CSMD1: variants seen among roughly 807,000 people sequenced by gnomAD.
CSMD1 encodes the protein CUB and sushi domain-containing protein 1.
CSMD1 carries 213 observed loss-of-function variants against 417.5 expected under a neutral mutation model. The observed-to-expected ratio is 0.51, with a 90% CI of 0.46 to 0.57. The LOEUF (loss-of-function observed/expected upper bound fraction) is 0.57, where lower values mean the gene tolerates loss of function less well. Ranked by LOEUF, CSMD1 falls within the 20% of genes least tolerant of loss-of-function variation. CSMD1 has a pLI of 0.00. For missense variants in CSMD1, 6,923 were observed against 4,529.7 expected, an observed-to-expected ratio of 1.53 and a Z score of -15.17; for synonymous variants, 2,862 against 1,736.8, an observed-to-expected ratio of 1.65 and a Z score of -16.11.
chr8:2,969,509 T>A (rs1199863310), intron 57 of CSMD1, among the ~76,000 whole-genome samples: 1 of 152,162 alleles, frequency 6.6e-6, no homozygotes. Context: ...TTTAAAAAGA[T>A]TTTTCGTTTA....
At chr8:4,028,151 T>G (rs574120410) in intron 4 of CSMD1, among the ~76,000 whole-genome samples, 1 of 152,220 alleles carries the variant, frequency 6.6e-6, no homozygotes, top group Non-Finnish European at 1.5e-5. Context: ...AATGAGCATT[T>G]TAGAAAAAAT....
rs568825733 is a variant in CSMD1, at chr8:3,628,881, G to T, written c.1010-12084C>A. ...CAAATAATCTAAGTTTTTTTAAAAA[G>T]ATTATTCAAAACGAAGACAGGCAGG... On this transcript the variant is annotated intron_variant, in intron 7 of 69. Transcript: ENST00000635120. Among the ~76,000 whole-genome samples, 189 of 140,686 alleles carry T rather than the reference G, an allele frequency of 1.3e-3. 1 individual carries two copies. Among genetic ancestry groups the T allele is most frequent in the African/African-American group, 4.6e-3 (178 of 38,368 alleles). 92.3% of individuals were successfully genotyped at this position (140,686 alleles called of 152,430 possible).
rs151221929 is a variant in CSMD1 at position 3,050,968 on chromosome 8, G to C, written c.7660+1494C>G. On this transcript the variant is annotated intron_variant, in intron 50 of 69. Coordinates refer to ENST00000635120, the MANE Select transcript of CSMD1 (RefSeq NM_033225.6). ...AATAGCAGATACTGGTGAGGCAGTG[G>C]AGAAAAGGGAACACTTGCATGCTGC... is the stretch of plus-strand genomic sequence containing the variant. 6.4e-3 allele frequency among the ~76,000 whole-genome samples: 978 copies of C among 152,310 alleles called. 9 individuals are homozygous for C. The highest frequency in any genetic ancestry group is 0.014 in the Middle Eastern group (4 of 294).
At chr8:4,240,190 C>CT (rs1802306608) in intron 3 of CSMD1, among the ~76,000 whole-genome samples, 1 of 152,212 alleles carries the variant, frequency 6.6e-6, no homozygotes, top group Non-Finnish European at 1.5e-5. Flanking sequence ...CTGAGGTTCC[C>CT]ATAACTGTGA....
chr8:4,425,149 C>T (rs1314005320), intron 2 of CSMD1, among the ~76,000 whole-genome samples: 1 of 151,796 alleles, frequency 6.6e-6, no homozygotes, highest in Admixed American at 6.6e-5. Context: ...AATTTCATGT[C>T]CCTTTAAATT....
chr8:4,771,340 A>G (rs1273375263), intron 1 of CSMD1, among the ~76,000 whole-genome samples: 1 of 152,236 alleles, frequency 6.6e-6, no homozygotes, highest in Non-Finnish European at 1.5e-5. Context: ...AAATAAGTCG[A>G]TTAAAAAGAA....
At chr8:4,090,198 C>A (rs898179132) in intron 3 of CSMD1, among the ~76,000 whole-genome samples, 1 of 152,136 alleles carries the variant, frequency 6.6e-6, no homozygotes, top group South Asian at 2.1e-4. Context: ...GACTACAGTA[C>A]ATGATTGTCT....
intron 18 of CSMD1, among the ~76,000 whole-genome samples, chr8:3,378,176 G>A (rs896645630): frequency 6.6e-5 from 10 of 152,148 alleles, no homozygotes; most frequent in African/African-American, 2.2e-4. Context: ...GGGTAGAGTA[G>A]AAAATAGTCT....
At chr8:4,492,728 C>A (rs1007000380) in intron 2 of CSMD1, among the ~76,000 whole-genome samples, 5 of 152,150 alleles carry the variant, frequency 3.3e-5, no homozygotes, top group South Asian at 2.1e-4. Context: ...TGGAAACTGA[C>A]CATGGGCACA....
chr8:3,420,991 G>A (rs140822384), intron 12 of CSMD1, among the ~76,000 whole-genome samples: 3,830 of 151,978 alleles, frequency 0.025, 60 homozygotes, highest in Middle Eastern at 0.038. Context: ...TTTCCTCTGT[G>A]CTGTAGATTA....
intron 23 of CSMD1, among the ~76,000 whole-genome samples, chr8:3,308,870 C>A (rs1805104095): frequency 1.3e-5 from 2 of 151,538 alleles, no homozygotes; most frequent in African/African-American, 4.9e-5. Context: ...ATTACAGGTG[C>A]CTGCCACCAT....
intron 5 of CSMD1, among the ~76,000 whole-genome samples, chr8:3,934,727 C>T (rs778856817): frequency 6.6e-6 from 1 of 151,974 alleles, no homozygotes; most frequent in African/African-American, 2.4e-5. Flanking sequence ...TGGTGGTGCA[C>T]TCCCAGCTAC....
chr8:3,092,128 T>C (rs1814987746), intron 47 of CSMD1, among the ~76,000 whole-genome samples: 1 of 152,156 alleles, frequency 6.6e-6, no homozygotes, highest in African/African-American at 2.4e-5. Context: ...AAGTATTATT[T>C]ATATAGTGAA....
chr8:4,204,533 A>T (rs1197331209), intron 3 of CSMD1, among the ~76,000 whole-genome samples: 1 of 152,214 alleles, frequency 6.6e-6, no homozygotes, highest in Non-Finnish European at 1.5e-5. Flanking sequence ...TCACCTTTCA[A>T]AGTGTAGAAG....
chr8:3,574,304 G>A (rs1158474904), intron 10 of CSMD1, among the ~76,000 whole-genome samples: 2 of 152,204 alleles, frequency 1.3e-5, no homozygotes, highest in African/African-American at 4.8e-5. Context: ...GCAGTGGCAC[G>A]ATCTTGGCCC....
At chr8:3,946,501 C>G (rs1306111827) in intron 5 of CSMD1, among the ~76,000 whole-genome samples, 1 of 152,096 alleles carries the variant, frequency 6.6e-6, no homozygotes, top group Non-Finnish European at 1.5e-5. Context: ...ATCATATTGA[C>G]TATTCTAGGC....
chr8:3,336,834 T>G (rs112097261), intron 23 of CSMD1, among the ~76,000 whole-genome samples: 13 of 152,186 alleles, frequency 8.5e-5, no homozygotes, highest in African/African-American at 3.1e-4. Context: ...CTAATTCATA[T>G]AGCACCTGGC....
At position 4,084,610 on chromosome 8, in the gene CSMD1, G is replaced by A. The variant is rs118183405; in HGVS notation, c.416-52511C>T. On this transcript the variant is annotated intron_variant, in intron 3 of 69. Coordinates refer to ENST00000635120, the MANE Select transcript of CSMD1 (RefSeq NM_033225.6). ...TTGTTGGGAGAGAGAAAATGAAAGC[G>A]AGCCTTCCAGAGTTTGCCAAGCCCT... Among the ~76,000 whole-genome samples the A allele has an allele frequency of 6.2e-3, 949 of 152,208 alleles. 11 individuals are homozygous for A. The highest frequency in any genetic ancestry group is 8.1e-3 in the Non-Finnish European group (549 of 68,010).
intron 25 of CSMD1, among the ~76,000 whole-genome samples, chr8:3,292,464 G>C (rs909529054): frequency 3.3e-5 from 5 of 152,154 alleles, no homozygotes; most frequent in African/African-American, 1.2e-4. Context: ...GGGTGTCTGA[G>C]TCTCTTTGTA....
Sources: gnomAD v4.1 joint callset for allele counts (sites outside exome capture counted in the v4.1 genomes callset) on GRCh38, gnomAD v4.1.1 for gene constraint, MANE v1.5 for transcripts, NCBI Gene and HGNC (gene_info 2026-07-23, HGNC 2026-07-21) for gene names.